The following C4orf50 variants were observed in gnomAD, a reference collection of about 807,000 sequenced individuals.
C4orf50 encodes the protein uncharacterized protein C4orf50.
C4orf50 carries 80 observed loss-of-function variants against 77.2 expected under a neutral mutation model. The ratio of observed to expected loss-of-function variants is 1.04; its 90% CI spans 0.87 to 1.25. The LOEUF (loss-of-function observed/expected upper bound fraction) is 1.25, where lower values mean the gene tolerates loss of function less well. Ranked by LOEUF, C4orf50 falls within the 50% of genes most tolerant of loss-of-function variation. C4orf50 has a pLI of 0.00. For synonymous variants in C4orf50, 532 were observed against 465.3 expected (o/e 1.14, Z -1.84); for missense variants, 1,257 against 1,152.9 (o/e 1.09, Z -1.31).
intron 7 of C4orf50, among the ~76,000 whole-genome samples, chr4:5,912,354 G>T (rs1286013259): frequency 6.6e-6 from 1 of 151,904 alleles, no homozygotes; most frequent in Non-Finnish European, 1.5e-5. Context: ...ATGAGAGCAG[G>T]ATACCAATTT....
intron 25 of C4orf50, among the ~76,000 whole-genome samples, chr4:6,006,637 G>A (rs1226374876): frequency 6.6e-6 from 1 of 152,212 alleles, no homozygotes; most frequent in African/African-American, 2.4e-5. Context: ...TACATAAAAT[G>A]TAAGCTTTTA....
intron 27 of C4orf50, among the ~76,000 whole-genome samples, chr4:5,991,104 G>A (rs529107122): frequency 1.5e-3 from 229 of 152,172 alleles, no homozygotes; most frequent in African/African-American, 5.3e-3. Flanking sequence ...CTCCCTGACC[G>A]CTCTCCCTCA....
In C4orf50 at chr4:5,997,711, A is replaced by G. The variant is rs547719449; in HGVS notation, c.964-3235T>C. On this transcript the variant is annotated intron_variant, in intron 25 of 33. Coordinates refer to ENST00000531445, the Ensembl canonical transcript of C4orf50. ...CCGGGCATAAACATGAATGTGTTAG[A>G]GGCCCTTCTGGGCTTTTTTCTATGC... 3.3e-5 allele frequency among the ~76,000 whole-genome samples: 5 copies of G among 152,374 alleles called. No individual in the cohort carries two copies. The South Asian group carries it at 1.0e-3, about 32-fold the overall frequency.
At chr4:5,929,799 G>A (rs976260845) in intron 7 of C4orf50, among the ~76,000 whole-genome samples, 1 of 152,186 alleles carries the variant, frequency 6.6e-6, no homozygotes, top group African/African-American at 2.4e-5. Flanking sequence ...CAAGTGCTTG[G>A]TCCAATTATC....
chr4:5,967,360 G>T, intron 32 of C4orf50, 54 bp downstream of exon 10: 4 of 1,442,936 alleles, frequency 2.8e-6, no homozygotes, highest in Non-Finnish European at 2.0e-6. Flanking sequence ...GCGTCCTGCC[G>T]GCCTGGACTT....
intron 7 of C4orf50, among the ~76,000 whole-genome samples, chr4:5,911,108 A>C (rs897573313): frequency 1.3e-5 from 2 of 151,834 alleles, no homozygotes; most frequent in Admixed American, 6.6e-5. Context: ...ACAGGGTTTC[A>C]CCATGTTAGC....
chr4:5,935,603 T>G lies in C4orf50; in HGVS notation c.*2474+21298A>C, dbSNP rs1560550283. 3.3e-5 allele frequency among the ~76,000 whole-genome samples: 5 copies of G among 151,850 alleles called. No homozygotes were observed. The South Asian group carries it at 1.0e-3, about 32-fold the overall frequency. ...GAGTTCGAGGCCAGCCTGGCCAACATAGTGAAACCCCGTCTGTACTAAAAA... is the reference window on the plus strand; with the variant it reads ...GAGTTCGAGGCCAGCCTGGCCAACAGAGTGAAACCCCGTCTGTACTAAAAA... On this transcript the variant is annotated intron_variant, in intron 7 of 7. Transcript: ENST00000324058.
At chr4:5,963,303 A>C (rs1022967969) in intron 33 of C4orf50, among the ~76,000 whole-genome samples, 1 of 152,040 alleles carries the variant, frequency 6.6e-6, no homozygotes. Context: ...CCTGCCTAGA[A>C]TATCTTCTAC....
chr4:5,950,007 G>A (rs67554312), intron 7 of C4orf50, among the ~76,000 whole-genome samples: 20 of 135,974 alleles, frequency 1.5e-4, no homozygotes, highest in South Asian at 6.8e-4. Context: ...AAAAAAAAAA[G>A]GTTAAAATGT....
intron 26 of C4orf50, among the ~76,000 whole-genome samples, chr4:5,993,653 C>A (rs1471370446): frequency 6.6e-6 from 1 of 151,858 alleles, no homozygotes; most frequent in African/African-American, 2.4e-5. Flanking sequence ...CCCATCTTTA[C>A]TAAAAATACA....
chr4:5,949,845 C>T (rs754606890), intron 7 of C4orf50, among the ~76,000 whole-genome samples: 8 of 151,974 alleles, frequency 5.3e-5, no homozygotes, highest in South Asian at 2.1e-4. Flanking sequence ...AACAACTAAC[C>T]GGGCATGGTG....
intron 7 of C4orf50, among the ~76,000 whole-genome samples, chr4:5,941,262 C>T (rs572251085): frequency 6.6e-5 from 10 of 152,138 alleles, no homozygotes; most frequent in Non-Finnish European, 1.0e-4. Context: ...AACAACACTG[C>T]GAGTTAAGTA....
rs1719066878 is a variant in C4orf50, at chr4:5,958,063, T to A, written c.*1312A>T. ...GTCCTTCCATGAAGGGACAGTCACT[T>A]CCAGGAGAGGACAGAATTGGACAGG... On this transcript the variant is annotated 3_prime_UTR_variant, in exon 34 of 34. Coordinates refer to ENST00000531445, the Ensembl canonical transcript of C4orf50. The surrounding 1 kb of genome is among the most constrained non-coding windows in gnomAD (Gnocchi z 5.4). The A allele has an allele frequency of 6.6e-6, 1 of 152,236 alleles. No homozygotes were observed. Among genetic ancestry groups the A allele is most frequent in the African/African-American group, 2.4e-5 (1 of 41,462 alleles). The allele number at this position is 152,236 out of a possible 1,614,324, so 9.4% of individuals were successfully genotyped here.
chr4:5,979,371 G>C (rs552832063), intron 29 of C4orf50, among the ~76,000 whole-genome samples: 1 of 152,298 alleles, frequency 6.6e-6, no homozygotes, highest in South Asian at 2.1e-4. Flanking sequence ...AAAGGAATGA[G>C]TTCACTTTGC....
chr4:5,979,214 A>T (rs1230332098), intron 29 of C4orf50, among the ~76,000 whole-genome samples: 1 of 152,228 alleles, frequency 6.6e-6, no homozygotes, highest in Non-Finnish European at 1.5e-5. Context: ...TATACAGCAG[A>T]AGTATATGCC....
rs1400986858 is a variant in C4orf50 at position 6,007,689 on chromosome 4, C to T, written c.963+307G>A. Among the ~76,000 whole-genome samples the T allele has an allele frequency of 3.3e-5, 5 of 151,778 alleles. No individual in the cohort carries two copies. The highest frequency in any genetic ancestry group is 5.9e-5 in the Non-Finnish European group (4 of 67,926). ...GGCAAAATGATGGTGGGTAGGTGGG[C>T]GAGTGGTTGGATAGGTAGATGGATG... On this transcript the variant is annotated intron_variant, in intron 25 of 33. Coordinates refer to ENST00000531445, the Ensembl canonical transcript of C4orf50. This position sits in a 1 kb window ranked among gnomAD's most constrained non-coding sequence, Gnocchi z 4.1.
chr4:5,925,323 C>T (rs1057453633), intron 7 of C4orf50, among the ~76,000 whole-genome samples: 22 of 152,266 alleles, frequency 1.4e-4, no homozygotes, highest in African/African-American at 4.8e-4. Flanking sequence ...ACCCCCAGGC[C>T]GCTGGATCCC....
intron 7 of C4orf50, among the ~76,000 whole-genome samples, chr4:5,920,593 C>T (rs1279200778): frequency 6.6e-6 from 1 of 151,446 alleles, no homozygotes; most frequent in African/African-American, 2.4e-5. Context: ...TCTCCTGCCT[C>T]ACCCTCCCAA....
At chr4:5,969,691 C>T (rs530220805) in intron 31 of C4orf50, among the ~76,000 whole-genome samples, 281 of 152,204 alleles carry the variant, frequency 1.8e-3, no homozygotes, top group African/African-American at 6.6e-3. Context: ...TAATTCAAAC[C>T]TCACAAAGCC....
Sources: gnomAD v4.1 joint callset for allele counts (sites outside exome capture counted in the v4.1 genomes callset) on GRCh38, gnomAD v4.1.1 for gene constraint, Gnocchi (gnomAD v3.1) non-coding constraint, MANE v1.5 for transcripts, NCBI Gene and HGNC (gene_info 2026-07-23, HGNC 2026-07-21) for gene names.